The following BCAS3 variants were observed in gnomAD, a reference collection of about 807,000 sequenced individuals.
BCAS3 encodes BCAS3 microtubule associated cell migration factor, also known as BCAS4/BCAS3 fusion.
Under a neutral mutation model 116.1 loss-of-function variants are expected in BCAS3, and 53 were observed. The ratio of observed to expected loss-of-function variants is 0.46; its 90% confidence interval spans 0.37 to 0.57. The LOEUF is 0.57. Among genes scored for constraint, BCAS3 ranks in the 20% least tolerant of loss-of-function variants. BCAS3 has a pLI of 0.00. For missense variants in BCAS3, 917 were observed against 1,165.4 expected, an observed-to-expected ratio of 0.79 and a Z score of 3.10; for synonymous variants, 391 against 408.2, an observed-to-expected ratio of 0.96 and a Z score of 0.51.
At chr17:60,729,485 A>G (rs2040246315) in intron 5 of BCAS3, among the ~76,000 whole-genome samples, 1 of 152,092 alleles carries the variant, frequency 6.6e-6, no homozygotes, top group East Asian at 1.9e-4. Context: ...AGTATCTGGG[A>G]GTTACAGTTG....
At chr17:60,945,670 G>A (rs536428415) in intron 13 of BCAS3, among the ~76,000 whole-genome samples, 316 of 151,684 alleles carry the variant, frequency 2.1e-3, no homozygotes, top group Non-Finnish European at 3.6e-3. Context: ...GCATGGTGGC[G>A]CACACCTGTA....
chr17:60,713,043 T>A (rs1400468196), intron 5 of BCAS3, among the ~76,000 whole-genome samples: 1 of 152,096 alleles, frequency 6.6e-6, no homozygotes, highest in Non-Finnish European at 1.5e-5. Context: ...TTGAAGAAAT[T>A]TCAGAAAGGG....
chr17:60,902,168 A>T (rs1161651550), intron 10 of BCAS3, among the ~76,000 whole-genome samples: 1 of 152,242 alleles, frequency 6.6e-6, no homozygotes, highest in Non-Finnish European at 1.5e-5. Flanking sequence ...GAAAATATAA[A>T]TATGGCAAAA....
intron 14 of BCAS3, chr17:60,980,542 T>TC (rs1456277167): frequency 6.6e-6 from 1 of 150,856 alleles, no homozygotes; most frequent in African/African-American, 2.4e-5. Flanking sequence ...CTTTTTTTTT[T>TC]TTTTTTTTGA....
At chr17:60,780,053 C>T (rs2045662434) in intron 6 of BCAS3, among the ~76,000 whole-genome samples, 1 of 151,220 alleles carries the variant, frequency 6.6e-6, no homozygotes, top group South Asian at 2.1e-4. Flanking sequence ...GCAGTGGCGC[C>T]ATCTCGGCTC....
Position 61,300,019 on chromosome 17 carries a change from AGAT to A in BCAS3, c.2426-68304_2426-68302del, listed in dbSNP as rs1281190557. Among the ~76,000 whole-genome samples the A allele has an allele frequency of 1.3e-5, 2 of 152,236 alleles. No individual in the cohort carries two copies. Among genetic ancestry groups the A allele is most frequent in the African/African-American group, 4.8e-5 (2 of 41,474 alleles). On this transcript the variant is annotated intron_variant, in intron 22 of 23. Coordinates refer to ENST00000407086, the MANE Select transcript of BCAS3 (RefSeq NM_017679.5). The surrounding 1 kb of genome is among the most constrained non-coding windows in gnomAD (Gnocchi z 5.1). ...AGATATTTTCATTCATCTGGTATCCAGATGATCTCCCTTGATTCTGACAGTTTT... is the reference window on the plus strand; with the variant it reads ...AGATATTTTCATTCATCTGGTATCCAGATCTCCCTTGATTCTGACAGTTTT...
At chr17:61,167,938 C>A (rs897325141) in intron 22 of BCAS3, among the ~76,000 whole-genome samples, 22 of 152,198 alleles carry the variant, frequency 1.4e-4, no homozygotes, top group Non-Finnish European at 2.8e-4. Context: ...GTACACATGC[C>A]TCAGTGCTAA....
rs1294441238 is a variant in BCAS3, at chr17:61,307,997, A to G, written c.2426-60330A>G. Among the ~76,000 whole-genome samples the G allele has an allele frequency of 2.0e-5, 3 of 152,194 alleles. No homozygotes were observed. The highest frequency in any genetic ancestry group is 7.2e-5 in the African/African-American group (3 of 41,438). On this transcript the variant is annotated intron_variant, in intron 22 of 23. Coordinates refer to ENST00000407086, the MANE Select transcript of BCAS3 (RefSeq NM_017679.5). This position sits in a 1 kb window ranked among gnomAD's most constrained non-coding sequence, Gnocchi z 4.7. The stretch of plus-strand genomic sequence containing the variant: ...GCAGAGAAGTAATCTATTTCATCCA[A>G]TAACCTTTCGTTTTATGTATTTAGC...
Position 61,265,110 on chromosome 17 carries a change from A to G in BCAS3, c.2426-103217A>G, listed in dbSNP as rs1357308054. Among the ~76,000 whole-genome samples, 1 of 152,112 alleles carries G rather than the reference A, an allele frequency of 6.6e-6. No individual in the cohort carries two copies. ...TAGTTTGACAATTACATGGAGTACT[A>G]TATATAAGAAAGCACAATACCAGCC... On this transcript the variant is annotated intron_variant, in intron 22 of 23. Coordinates refer to ENST00000407086, the MANE Select transcript of BCAS3 (RefSeq NM_017679.5). This position sits in a 1 kb window ranked among gnomAD's most constrained non-coding sequence, Gnocchi z 4.3.
At chr17:61,121,350 G>A (rs1409870010) in intron 22 of BCAS3, among the ~76,000 whole-genome samples, 2 of 151,944 alleles carry the variant, frequency 1.3e-5, no homozygotes, top group Non-Finnish European at 1.5e-5. Context: ...TGTCAACATT[G>A]TATTATTTGA....
intron 5 of BCAS3, among the ~76,000 whole-genome samples, chr17:60,743,099 C>T (rs533620452): frequency 7.0e-5 from 10 of 142,526 alleles, no homozygotes; most frequent in Non-Finnish European, 1.4e-4. Flanking sequence ...GGTGACAGAG[C>T]GAGACTCCTT....
rs758111943 is a variant in BCAS3, at chr17:61,078,359, C to T, written c.2157C>T (p.Pro719=). The T allele has an allele frequency of 6.2e-7, 1 of 1,613,970 alleles. No homozygotes were observed. Among genetic ancestry groups the T allele is most frequent in the Non-Finnish European group, 8.5e-7 (1 of 1,179,944 alleles). The change falls in exon 21 of 24, where the codon CCC becomes CCT. Residue 719 remains proline, a synonymous_variant. Coordinates refer to ENST00000407086, the MANE Select transcript of BCAS3 (RefSeq NM_017679.5). The part of the protein sequence containing the change: ...SQVEIVTHTG[P]HRRLWMGPQF... ...TTGAAATTGTAACACACACTGGACC[C>T]CATAGACGTCTGTGGATGGGTCCAC... is the stretch of plus-strand genomic sequence containing the variant.
At chr17:61,320,183 C>T (rs1185173520) in intron 22 of BCAS3, among the ~76,000 whole-genome samples, 2 of 151,650 alleles carry the variant, frequency 1.3e-5, no homozygotes, top group Non-Finnish European at 2.9e-5. Flanking sequence ...AGCCACGGCA[C>T]CTGGCCAGAA....
At chr17:61,010,068 C>CTT (rs1189821266) in intron 15 of BCAS3, among the ~76,000 whole-genome samples, 11 of 111,042 alleles carry the variant, frequency 9.9e-5, no homozygotes, top group African/African-American at 1.4e-4. Context: ...CAGACTCTGT[C>CTT]TTTTTTTTTT....
intron 5 of BCAS3, among the ~76,000 whole-genome samples, chr17:60,741,490 A>C (rs1378953337): frequency 6.6e-6 from 1 of 152,234 alleles, no homozygotes; most frequent in African/African-American, 2.4e-5. Flanking sequence ...CTTGAATCTC[A>C]TTAATATCCT....
At chr17:60,799,520 GTTTGTT>G (rs1423575802) in intron 6 of BCAS3, among the ~76,000 whole-genome samples, 7 of 117,644 alleles carry the variant, frequency 6.0e-5, no homozygotes, top group African/African-American at 2.6e-4. Context: ...TGAGATTAGT[GTTTGTT>G]TTTTTTTTTT....
intron 7 of BCAS3, among the ~76,000 whole-genome samples, chr17:60,828,376 A>G (rs1351564772): frequency 6.6e-6 from 1 of 152,238 alleles, no homozygotes; most frequent in African/African-American, 2.4e-5. Flanking sequence ...TTCTACGTCA[A>G]GTATTTTTAA....
chr17:61,101,234 A>G (rs1487432920), intron 22 of BCAS3, among the ~76,000 whole-genome samples: 2 of 152,186 alleles, frequency 1.3e-5, no homozygotes, highest in African/African-American at 4.8e-5. Context: ...CTATACCTGC[A>G]TCTCACAGAT....
rs1403754879 is a variant in BCAS3, at chr17:61,388,506, G to A, written c.2594-3471G>A. The A allele has an allele frequency of 1.0e-6, 1 of 955,092 alleles. No homozygotes were observed. The highest frequency in any genetic ancestry group is 2.7e-5 in the East Asian group (1 of 37,450). The allele number at this position is 955,092 out of a possible 1,614,324, so 59.2% of individuals were successfully genotyped here. A position where few individuals can be genotyped will look rare whatever the true frequency, so the allele number is the denominator to read the frequency against. On this transcript the variant is annotated intron_variant, in intron 23 of 23. Transcript: ENST00000407086. The surrounding 1 kb of genome is among the most constrained non-coding windows in gnomAD (Gnocchi z 6.5). Reference sequence around the variant, plus strand: ...ACTGCAAACTCCCCCTCCTCACGGTGTGCCCCTGCGCCTCCTGACACCTCT... The same window carrying A: ...ACTGCAAACTCCCCCTCCTCACGGTATGCCCCTGCGCCTCCTGACACCTCT...
Sources: gnomAD v4.1 joint callset for allele counts (sites outside exome capture counted in the v4.1 genomes callset) on GRCh38, gnomAD v4.1.1 for gene constraint, Gnocchi (gnomAD v3.1) non-coding constraint, MANE v1.5 for transcripts, NCBI Gene and HGNC (gene_info 2026-07-23, HGNC 2026-07-21) for gene names.